The following STYX variants were observed in gnomAD, a reference collection of about 807,000 sequenced individuals.
STYX encodes serine/threonine/tyrosine-interacting protein.
Under a neutral mutation model 42.7 loss-of-function variants are expected in STYX, and 20 were observed. That is an observed-to-expected ratio of 0.47 (90% confidence interval 0.33 to 0.68). The LOEUF (loss-of-function observed/expected upper bound fraction) is 0.68. Among genes scored for constraint, STYX ranks in the 30% least tolerant of loss-of-function variants. The probability of loss-of-function intolerance (pLI) is 0.02; values close to 1 mark genes in which losing one functional copy is unlikely to be tolerated. For synonymous variants in STYX, 78 were observed against 81.9 expected (o/e 0.95, Z 0.26); for missense variants, 226 against 268.5 (o/e 0.84, Z 1.11).
chr14:52,773,648 TTAATG>T lies in STYX; in HGVS notation c.*2545_*2549del, dbSNP rs1882609289. Reference sequence around the variant, plus strand: ...CCACTGCGCCTGGCTGAGTACAATATTAATGTAGACAAACCATGAAGTTTATTATT... The same window carrying T: ...CCACTGCGCCTGGCTGAGTACAATATTAGACAAACCATGAAGTTTATTATT... On this transcript the variant is annotated 3_prime_UTR_variant, in exon 11 of 11. Coordinates refer to ENST00000354586, the MANE Select transcript of STYX (RefSeq NM_145251.4). 1 of 151,932 alleles carries T rather than the reference TTAATG, an allele frequency of 6.6e-6. No homozygotes were observed. Among genetic ancestry groups the T allele is most frequent in the Non-Finnish European group, 1.5e-5 (1 of 67,986 alleles). The allele number at this position is 151,932 out of a possible 1,614,324, so 9.4% of individuals were successfully genotyped here. A position where few individuals can be genotyped will look rare whatever the true frequency, so the allele number is the denominator to read the frequency against.
Position 52,751,851 on chromosome 14 carries a change from A to T in STYX, c.242+1071A>T, listed in dbSNP as rs371695092. ...GAGGCAGCTTCTTCCTTCAATATCT[A>T]TGTAAAAGTATATATGTTAAAAATA... On this transcript the variant is annotated intron_variant, in intron 4 of 10. Transcript: ENST00000354586. Among the ~76,000 whole-genome samples the T allele has an allele frequency of 7.7e-4, 118 of 152,280 alleles. No homozygotes were observed. The Middle Eastern group carries it at 0.01, about 13-fold the overall frequency.
chr14:52,732,097 T>TTGTTTTTTTG (rs71125125), intron 1 of STYX, among the ~76,000 whole-genome samples: 1 of 118,188 alleles, frequency 8.5e-6, no homozygotes, highest in South Asian at 2.3e-4. Context: ...CATGGTTTTT[T>TTGTTTTTTTG]TTTTTTTTTT....
rs1475948373 is a variant in STYX at position 52,759,898 on chromosome 14, A to T, written c.504+144A>T. The T allele has an allele frequency of 9.8e-6, 6 of 611,666 alleles. No homozygotes were observed. In the East Asian group the frequency reaches 1.7e-4, roughly 17 times the overall value. 37.9% of individuals were successfully genotyped at this position (611,666 alleles called of 1,614,324 possible). The stretch of plus-strand genomic sequence containing the variant: ...ATGCTTTATTCAAGTTTATATCTCT[A>T]TTTAGAAGTATTTTCTTGGCTGGGT... On this transcript the variant is annotated intron_variant, in intron 9 of 10. Coordinates refer to ENST00000354586, the MANE Select transcript of STYX (RefSeq NM_145251.4).
At chr14:52,756,413 C>T (rs1240697084) in intron 4 of STYX, 138 bp from the exon 5 acceptor site, 1 of 522,954 alleles carries the variant, frequency 1.9e-6, no homozygotes, top group Non-Finnish European at 3.4e-6. Context: ...AAATCTACCA[C>T]ACAGTTCTTG....
At chr14:52,768,438 A>G (rs1882391794) in intron 9 of STYX, among the ~76,000 whole-genome samples, 2 of 152,110 alleles carry the variant, frequency 1.3e-5, no homozygotes, top group Admixed American at 6.6e-5. Context: ...AGTTTCATCA[A>G]ATGTTTTCCT....
intron 3 of STYX, among the ~76,000 whole-genome samples, chr14:52,749,189 G>A (rs554432147): frequency 3.3e-5 from 5 of 152,188 alleles, no homozygotes; most frequent in Admixed American, 3.3e-4. Context: ...CCAAGAGAAC[G>A]AGTTCTTGCC....
At position 52,768,897 on chromosome 14, in the gene STYX, A is replaced by G; in HGVS notation, c.562A>G (p.Ile188Val). 6.2e-7 allele frequency: 1 copy of G among 1,604,014 alleles called. No homozygotes were observed. Residue 188 changes from isoleucine to valine, a missense_variant, in exon 10 of 11, where the codon ATA becomes GTA. Physicochemically the swap from Ile to Val is conservative, Grantham distance 29. Transcript: ENST00000354586. ...AATACAGATGATGTCACCACTCCAG[A>G]TAGAAAGGTCATTATCTGTTCATTC... ...LTIQMMSPLQ[I>V]ERSLSVHSGT...
chr14:52,757,272 T>A (rs1286030337), intron 5 of STYX, 47 bp from the exon 6 acceptor site: 6 of 1,423,972 alleles, frequency 4.2e-6, no homozygotes, highest in Non-Finnish European at 5.8e-6. Context: ...TTTCATTATA[T>A]GCATTTATTT....
chr14:52,739,523 A>G (rs985648078), intron 1 of STYX, among the ~76,000 whole-genome samples: 1 of 150,374 alleles, frequency 6.7e-6, no homozygotes, highest in Non-Finnish European at 1.5e-5. Context: ...AAATGCATCT[A>G]TTTTGTGCTT....
At chr14:52,766,592 G>A (rs1047709928) in intron 9 of STYX, among the ~76,000 whole-genome samples, 4 of 152,160 alleles carry the variant, frequency 2.6e-5, no homozygotes, top group Non-Finnish European at 4.4e-5. Flanking sequence ...ACAGGCATGA[G>A]CCACTATATC....
At chr14:52,763,084 G>A (rs1882163674) in intron 9 of STYX, among the ~76,000 whole-genome samples, 1 of 151,450 alleles carries the variant, frequency 6.6e-6, no homozygotes, top group Non-Finnish European at 1.5e-5. Context: ...GTAGAGACGA[G>A]GTTTCACCAC....
chr14:52,753,735 T>A (rs184367905), intron 4 of STYX, among the ~76,000 whole-genome samples: 6 of 152,066 alleles, frequency 3.9e-5, no homozygotes, highest in Admixed American at 3.9e-4. Context: ...TATTTTACCT[T>A]ATTTTTTGTT....
intron 10 of STYX, 54 bp from the exon 11 acceptor site, chr14:52,770,978 CT>C: frequency 6.4e-7 from 1 of 1,555,520 alleles, no homozygotes; most frequent in Non-Finnish European, 8.8e-7. Context: ...TTGCTGTAAC[CT>C]TTTAACATGA....
intron 10 of STYX, 119 bp from the exon 11 acceptor site, chr14:52,770,914 T>A: frequency 3.2e-6 from 2 of 620,336 alleles, no homozygotes; most frequent in Non-Finnish European, 5.2e-6. Context: ...TTTTGCTATA[T>A]CAGTTGTGGA....
At chr14:52,745,136 T>C (rs1881347114) in intron 2 of STYX, among the ~76,000 whole-genome samples, 1 of 151,634 alleles carries the variant, frequency 6.6e-6, no homozygotes, top group Non-Finnish European at 1.5e-5. Context: ...TTTTTTTTTT[T>C]TGAAACAGAG....
chr14:52,730,639 C>T (rs1880660493), intron 1 of STYX, 108 bp downstream of exon 1: 2 of 1,228,726 alleles, frequency 1.6e-6, no homozygotes, highest in Non-Finnish European at 1.1e-6. Flanking sequence ...GGCGCCCTGC[C>T]TCCTAAGGGC....
intron 1 of STYX, chr14:52,731,813 TTGTTTGTGACTATCAC>T (rs371447384): frequency 1.3e-5 from 2 of 151,992 alleles, no homozygotes; most frequent in African/African-American, 4.8e-5. Flanking sequence ...AGTAGAGACT[TTGTTTGTGACTATCAC>T]TGTTGCAAAA....
chr14:52,760,688 G>C (rs776165841), intron 9 of STYX, among the ~76,000 whole-genome samples: 17 of 152,074 alleles, frequency 1.1e-4, no homozygotes, highest in Non-Finnish European at 2.4e-4. Context: ...ATTCAAAAGA[G>C]AAACAGTGTC....
At chr14:52,733,240 T>TA (rs1452256515) in intron 1 of STYX, among the ~76,000 whole-genome samples, 1 of 152,244 alleles carries the variant, frequency 6.6e-6, no homozygotes, top group African/African-American at 2.4e-5. Context: ...TTTAATCTGT[T>TA]ACTGTGTATA....
Sources: gnomAD v4.1 joint callset for allele counts (sites outside exome capture counted in the v4.1 genomes callset) on GRCh38, gnomAD v4.1.1 for gene constraint, MANE v1.5 for transcripts, NCBI Gene and HGNC (gene_info 2026-07-23, HGNC 2026-07-21) for gene names.